Variants in KCNH7 observed in about 807,000 individuals in gnomAD.
KCNH7 encodes the protein voltage-gated inwardly rectifying potassium channel KCNH7.
KCNH7 carries 49 observed loss-of-function variants against 120.8 expected under a neutral mutation model. That is an observed-to-expected ratio of 0.41 (90% CI 0.32 to 0.51). KCNH7 has a LOEUF of 0.51. Among genes scored for constraint, KCNH7 ranks in the 20% least tolerant of loss-of-function variants. The pLI is 0.38. For missense variants in KCNH7, 1,097 were observed against 1,446.6 expected (o/e 0.76, Z 3.92); for synonymous variants, 547 against 516.1 (o/e 1.06, Z -0.81).
chr2:162,397,012 T>C, intron 10 of KCNH7, 67 bp from the exon 11 acceptor site: 1 of 1,042,148 alleles, frequency 9.6e-7, no homozygotes, highest in Non-Finnish European at 1.4e-6. Flanking sequence ...CTTCTAAAAG[T>C]AGAAGGGGGT....
At chr2:162,606,521 TAA>T (rs965816675) in intron 2 of KCNH7, among the ~76,000 whole-genome samples, 1 of 152,218 alleles carries the variant, frequency 6.6e-6, no homozygotes, top group Non-Finnish European at 1.5e-5. Context: ...TTTTAAATCC[TAA>T]GTTCTATTCA....
intron 2 of KCNH7, among the ~76,000 whole-genome samples, chr2:162,629,895 T>C (rs1005420729): frequency 2.0e-5 from 3 of 152,126 alleles, no homozygotes; most frequent in Admixed American, 6.6e-5. Flanking sequence ...TACTAGAATT[T>C]AGATTTACCC....
chr2:162,520,938 T>G (rs187930684), intron 3 of KCNH7, among the ~76,000 whole-genome samples: 1 of 151,992 alleles, frequency 6.6e-6, no homozygotes, highest in East Asian at 2.0e-4. Context: ...CATATGGAAT[T>G]TTAATTCCCC....
intron 2 of KCNH7, among the ~76,000 whole-genome samples, chr2:162,684,434 T>G (rs1210642278): frequency 6.6e-6 from 1 of 151,970 alleles, no homozygotes; most frequent in Non-Finnish European, 1.5e-5. Flanking sequence ...GGGAGAAAAT[T>G]TTTGCAATCT....
chr2:162,491,680 C>T lies in KCNH7; in HGVS notation c.1128+12763G>A, dbSNP rs201761871. On this transcript the variant is annotated intron_variant, in intron 6 of 15. Transcript: ENST00000332142. The stretch of plus-strand genomic sequence containing the variant: ...TTGGCATTCATGGGTGGCACCCTGC[C>T]GAGGTTGCCAGGACTCGGGGATATA... 1.1e-4 allele frequency among the ~76,000 whole-genome samples: 17 copies of T among 152,216 alleles called. 1 individual carries two copies. In the East Asian group the frequency reaches 2.5e-3, roughly 23 times the overall value.
rs541379709 is a variant in KCNH7, at chr2:162,423,302, C to T, written c.2154+34G>A. 1.2e-4 allele frequency: 191 copies of T among 1,613,848 alleles called. 4 individuals carry two copies. The South Asian group carries it at 1.9e-3, about 16-fold the overall frequency. ...ATTTTGGCTATCACTATAATGCCTG[C>T]GGCACTTTCATTTTGGAAAACAGAC... On this transcript the variant is annotated intron_variant, in intron 9 of 15. Coordinates refer to ENST00000332142, the MANE Select transcript of KCNH7 (RefSeq NM_033272.4).
At chr2:162,377,085 G>C (rs1686222369) in intron 14 of KCNH7, among the ~76,000 whole-genome samples, 1 of 152,298 alleles carries the variant, frequency 6.6e-6, no homozygotes, top group East Asian at 1.9e-4. Flanking sequence ...AAACAGGGTA[G>C]ACTCCACTAT....
chr2:162,769,175 A>G (rs1255651946), intron 2 of KCNH7, among the ~76,000 whole-genome samples: 4 of 152,158 alleles, frequency 2.6e-5, no homozygotes, highest in Non-Finnish European at 4.4e-5. Context: ...TGATCTACAA[A>G]GTATCTTGTG....
At chr2:162,495,489 A>G (rs544220912) in intron 6 of KCNH7, among the ~76,000 whole-genome samples, 12 of 152,204 alleles carry the variant, frequency 7.9e-5, no homozygotes, top group Non-Finnish European at 1.5e-4. Flanking sequence ...ATTAAAGCCA[A>G]TTTAAAAGCC....
chr2:162,662,542 T>A (rs1180898793), intron 2 of KCNH7, among the ~76,000 whole-genome samples: 1 of 152,226 alleles, frequency 6.6e-6, no homozygotes, highest in African/African-American at 2.4e-5. Context: ...AGTCTTTGAT[T>A]GTTGTGTTCA....
chr2:162,393,903 T>C (rs139930835), intron 12 of KCNH7, among the ~76,000 whole-genome samples: 1 of 152,046 alleles, frequency 6.6e-6, no homozygotes, highest in South Asian at 2.1e-4. Context: ...TAAATGAATA[T>C]TTGTTGACTA....
At chr2:162,390,884 C>T (rs1423311798) in intron 12 of KCNH7, among the ~76,000 whole-genome samples, 1 of 151,978 alleles carries the variant, frequency 6.6e-6, no homozygotes, top group Non-Finnish European at 1.5e-5. Context: ...TTTTGTTTTT[C>T]AGCTTTCCAG....
rs753309983 is a variant in KCNH7, at chr2:162,536,991, T to C, written c.397A>G (p.Thr133Ala). Residue 133 changes from threonine to alanine, a missense_variant, in exon 3 of 16, where the codon ACG (threonine) becomes GCG (alanine). By Grantham distance (58) the Thr-to-Ala change is moderately conservative (BLOSUM62 0). Transcript: ENST00000332142. The part of the protein sequence containing the change: ...MMFIINFEYV[T>A]DNENAATPER... ...GGGGTGGCAGCGTTTTCATTATCCG[T>C]CACATATTCAAAATTAATGATGAAC... 1.9e-6 allele frequency: 3 copies of C among 1,612,902 alleles called. No individual in the cohort carries two copies. The Admixed American group carries it at 5.0e-5, about 27-fold the overall frequency.
At chr2:162,403,677 A>G (rs988723248) in intron 9 of KCNH7, among the ~76,000 whole-genome samples, 5 of 151,952 alleles carry the variant, frequency 3.3e-5, no homozygotes, top group Non-Finnish European at 5.9e-5. Context: ...TAGGTTAAGG[A>G]CTTCTCATAT....
chr2:162,812,006 T>C (rs993340886), intron 2 of KCNH7, among the ~76,000 whole-genome samples: 2 of 152,134 alleles, frequency 1.3e-5, no homozygotes, highest in Non-Finnish European at 2.9e-5. Flanking sequence ...TAAATTATAG[T>C]GTAAAGATTG....
chr2:162,732,049 G>A (rs185807178), intron 2 of KCNH7, among the ~76,000 whole-genome samples: 1 of 152,290 alleles, frequency 6.6e-6, no homozygotes, highest in Non-Finnish European at 1.5e-5. Flanking sequence ...GGCAGATGTT[G>A]AAGGGGCTTT....
intron 2 of KCNH7, among the ~76,000 whole-genome samples, chr2:162,708,037 G>A (rs1027833915): frequency 6.6e-5 from 10 of 150,784 alleles, no homozygotes; most frequent in African/African-American, 2.4e-4. Flanking sequence ...TTTCTTGGTG[G>A]CTCTCTTAAT....
intron 2 of KCNH7, among the ~76,000 whole-genome samples, chr2:162,704,808 A>G (rs1341442293): frequency 6.6e-6 from 1 of 152,184 alleles, no homozygotes; most frequent in Non-Finnish European, 1.5e-5. Flanking sequence ...AGTGTATGCA[A>G]AGACATCAGA....
chr2:162,386,280 A>T (rs1366224020), intron 12 of KCNH7, among the ~76,000 whole-genome samples: 1 of 151,738 alleles, frequency 6.6e-6, no homozygotes, highest in East Asian at 1.9e-4. Flanking sequence ...ATTGGCACAG[A>T]CCTCCTTAAA....
Sources: gnomAD v4.1 joint callset for allele counts (sites outside exome capture counted in the v4.1 genomes callset) on GRCh38, gnomAD v4.1.1 for gene constraint, MANE v1.5 for transcripts, NCBI Gene and HGNC (gene_info 2026-07-23, HGNC 2026-07-21) for gene names.